The following FGF12 variants were observed in gnomAD, a reference collection of about 807,000 sequenced individuals.
FGF12 encodes fibroblast growth factor 12.
A neutral mutation model predicts 23.6 loss-of-function variants in FGF12; 14 were observed. That is an observed-to-expected ratio of 0.59 (90% CI 0.39 to 0.93). The LOEUF (loss-of-function observed/expected upper bound fraction) is 0.93, where lower values mean the gene tolerates loss of function less well. FGF12 is among the 40% of genes least tolerant of loss of function. FGF12 has a pLI of 0.00. For missense variants in FGF12, 175 were observed against 217.8 expected (o/e 0.80, Z 1.24); for synonymous variants, 62 against 77.3 (o/e 0.80, Z 1.04).
At chr3:192,679,617 C>T (rs571829508) in intron 2 of FGF12, among the ~76,000 whole-genome samples, 2 of 150,470 alleles carry the variant, frequency 1.3e-5, no homozygotes, top group Non-Finnish European at 2.9e-5. Context: ...TCACCGTCCC[C>T]CACCCCAGCC....
chr3:192,650,451 G>A (rs1716174887), intron 2 of FGF12, among the ~76,000 whole-genome samples: 1 of 152,120 alleles, frequency 6.6e-6, no homozygotes, highest in African/African-American at 2.4e-5. Context: ...CATTCTGAAA[G>A]ACAGTTCCCA....
At chr3:192,424,803 C>A (rs1721643685) in intron 2 of FGF12, among the ~76,000 whole-genome samples, 1 of 151,992 alleles carries the variant, frequency 6.6e-6, no homozygotes, top group Non-Finnish European at 1.5e-5. Flanking sequence ...TACATCTTAC[C>A]AATTTCTTTG....
intron 2 of FGF12, among the ~76,000 whole-genome samples, chr3:192,699,268 T>G (rs558112734): frequency 6.6e-6 from 1 of 152,214 alleles, no homozygotes; most frequent in East Asian, 1.9e-4. Flanking sequence ...TTCATTTTGT[T>G]ATACCTTAGT....
chr3:192,505,472 T>C (rs1159383446), intron 2 of FGF12, among the ~76,000 whole-genome samples: 2 of 152,252 alleles, frequency 1.3e-5, no homozygotes, highest in Non-Finnish European at 2.9e-5. Flanking sequence ...ATATTAATGT[T>C]TGTGTGATAA....
rs115269980 is a variant in FGF12, at chr3:192,628,304, A to G, written c.13+98877T>C. On this transcript the variant is annotated intron_variant, in intron 2 of 5. Coordinates refer to ENST00000445105, the MANE Select transcript of FGF12 (RefSeq NM_004113.6). The stretch of plus-strand genomic sequence containing the variant: ...CAGAGCTATTTTAGATAAAGCTGCT[A>G]TGAACAATCATATACAGGTTCTTGT... Among the ~76,000 whole-genome samples, 1,115 of 152,220 alleles carry G rather than the reference A, an allele frequency of 7.3e-3. 2 individuals carry two copies. The highest frequency in any genetic ancestry group is 0.012 in the Non-Finnish European group (820 of 67,976).
At position 192,408,505 on chromosome 3, in the gene FGF12, T is replaced by G; in HGVS notation, c.14-47967A>C. The G allele has an allele frequency of 8.0e-7, 1 of 1,253,662 alleles. No homozygotes were observed. Among genetic ancestry groups the G allele is most frequent in the Non-Finnish European group, 1.0e-6 (1 of 997,770 alleles). The allele number at this position is 1,253,662 out of a possible 1,614,324, so 77.7% of individuals were successfully genotyped here. On this transcript the variant is annotated intron_variant, in intron 2 of 5. Coordinates refer to ENST00000445105, the MANE Select transcript of FGF12 (RefSeq NM_004113.6). The surrounding 1 kb of genome is among the most constrained non-coding windows in gnomAD (Gnocchi z 7.3). ...CCCAGGCCCTCTTGCGAAGTAGACG[T>G]TTGCACCCCAAACTTGCACCCCAAG...
intron 2 of FGF12, among the ~76,000 whole-genome samples, chr3:192,370,289 T>A (rs1719169467): frequency 6.6e-6 from 1 of 152,230 alleles, no homozygotes; most frequent in African/African-American, 2.4e-5. Flanking sequence ...TGTACATGTA[T>A]AATTTATGCC....
At chr3:192,464,524 G>A (rs1722954343) in intron 2 of FGF12, among the ~76,000 whole-genome samples, 3 of 151,604 alleles carry the variant, frequency 2.0e-5, no homozygotes, top group South Asian at 4.2e-4. Flanking sequence ...GTGTGTGTGT[G>A]TGTGTGTGTG....
chr3:192,518,510 A>G (rs1004742681), intron 2 of FGF12, among the ~76,000 whole-genome samples: 1 of 152,218 alleles, frequency 6.6e-6, no homozygotes, highest in Non-Finnish European at 1.5e-5. Context: ...TGTGCAATTA[A>G]TCAGTATATT....
At chr3:192,469,754 G>T (rs1245856706) in intron 2 of FGF12, among the ~76,000 whole-genome samples, 1 of 152,156 alleles carries the variant, frequency 6.6e-6, no homozygotes, top group African/African-American at 2.4e-5. Context: ...GTCCATCACT[G>T]GGGGATGGAA....
At chr3:192,320,511 T>C (rs760585735) in intron 4 of FGF12, among the ~76,000 whole-genome samples, 3 of 152,164 alleles carry the variant, frequency 2.0e-5, no homozygotes, top group East Asian at 1.9e-4. Flanking sequence ...AGAATATACA[T>C]TCTTCTCAGC....
At chr3:192,630,804 C>A (rs1715362829) in intron 2 of FGF12, among the ~76,000 whole-genome samples, 1 of 151,678 alleles carries the variant, frequency 6.6e-6, no homozygotes, top group Non-Finnish European at 1.5e-5. Flanking sequence ...GAGATCTGCC[C>A]GCCTCGACCT....
intron 2 of FGF12, among the ~76,000 whole-genome samples, chr3:192,397,038 T>G (rs372231890): frequency 6.6e-6 from 1 of 152,202 alleles, no homozygotes; most frequent in Non-Finnish European, 1.5e-5. Context: ...TAAAGCCATG[T>G]GGTAACCCAG....
chr3:192,596,420 A>G (rs1713857423), intron 2 of FGF12, among the ~76,000 whole-genome samples: 1 of 152,102 alleles, frequency 6.6e-6, no homozygotes, highest in Non-Finnish European at 1.5e-5. Context: ...ATACATTTCT[A>G]TGTATGACTG....
chr3:192,423,590 G>A (rs918797594), intron 2 of FGF12, among the ~76,000 whole-genome samples: 1 of 152,124 alleles, frequency 6.6e-6, no homozygotes, highest in African/African-American at 2.4e-5. Flanking sequence ...GGAATGGAAA[G>A]AACTTTAAGA....
intron 4 of FGF12, among the ~76,000 whole-genome samples, chr3:192,317,688 G>T (rs551607443): frequency 6.6e-6 from 1 of 152,118 alleles, no homozygotes; most frequent in Non-Finnish European, 1.5e-5. Flanking sequence ...AAGCCTGGCT[G>T]GTTTCACCAC....
At chr3:192,298,833 GA>G (rs1471220550) in intron 4 of FGF12, among the ~76,000 whole-genome samples, 1 of 152,206 alleles carries the variant, frequency 6.6e-6, no homozygotes, top group African/African-American at 2.4e-5. Flanking sequence ...GAGGACTCAG[GA>G]AACTTCTGGT....
At chr3:192,468,456 G>A (rs1344826041) in intron 2 of FGF12, among the ~76,000 whole-genome samples, 3 of 152,050 alleles carry the variant, frequency 2.0e-5, no homozygotes, top group African/African-American at 7.2e-5. Flanking sequence ...TCATAATCTT[G>A]ACACTTCTGC....
chr3:192,441,649 TTTCACCCCTAA>T (rs1360592851), intron 2 of FGF12, among the ~76,000 whole-genome samples: 2 of 152,216 alleles, frequency 1.3e-5, no homozygotes, highest in Non-Finnish European at 2.9e-5. Context: ...CAGCACTTAG[TTTCACCCCTAA>T]GATTGTCTGG....
Sources: gnomAD v4.1 joint callset for allele counts (sites outside exome capture counted in the v4.1 genomes callset) on GRCh38, gnomAD v4.1.1 for gene constraint, Gnocchi (gnomAD v3.1) non-coding constraint, MANE v1.5 for transcripts, NCBI Gene and HGNC (gene_info 2026-07-23, HGNC 2026-07-21) for gene names.